Variants in POLE observed in about 807,000 individuals in gnomAD.
POLE encodes DNA polymerase epsilon catalytic subunit A.
POLE carries 188 observed loss-of-function variants against 279.2 expected under a neutral mutation model. The ratio of observed to expected loss-of-function variants is 0.67; its 90% CI spans 0.60 to 0.76. The LOEUF is 0.76. Among genes scored for constraint, POLE ranks in the 30% least tolerant of loss-of-function variants. POLE has a pLI of 0.00. For synonymous variants in POLE, 1,214 were observed against 1,172.5 expected, an observed-to-expected ratio of 1.04 and a Z score of -0.72; for missense variants, 2,703 against 3,016.7, an observed-to-expected ratio of 0.90 and a Z score of 2.44.
intron 29 of POLE, 75 bp downstream of exon 29, chr12:132,657,060 AC>A: frequency 6.7e-7 from 1 of 1,500,986 alleles, no homozygotes; most frequent in Non-Finnish European, 9.2e-7. Flanking sequence ...TACAGCACAC[AC>A]AGCAGCGCAA....
intron 6 of POLE, 117 bp downstream of exon 6, chr12:132,679,380 G>T (rs2043119078): frequency 9.8e-7 from 1 of 1,015,468 alleles, no homozygotes; most frequent in Non-Finnish European, 1.5e-6. Flanking sequence ...AATTGCTCAA[G>T]TTTTCCGTAT....
At chr12:132,665,816 G>C (rs1593786582) in intron 20 of POLE, among the ~76,000 whole-genome samples, 1 of 152,104 alleles carries the variant, frequency 6.6e-6, no homozygotes, top group East Asian at 1.9e-4. Context: ...CCCAACATGA[G>C]AAAAGGTTTT....
chr12:132,664,235 GC>G lies in POLE; in HGVS notation c.2562-88del, dbSNP rs1415951458. The G allele has an allele frequency of 6.9e-7, 1 of 1,451,136 alleles. No homozygotes were observed. Among genetic ancestry groups the G allele is most frequent in the Non-Finnish European group, 9.6e-7 (1 of 1,044,760 alleles). 89.9% of individuals were successfully genotyped at this position (1,451,136 alleles called of 1,614,324 possible). ...CTCCAGCCTTCCCTCCTTCCTTCCT[GC>G]CCAGTGTGTGGCCTCCAGCCTTCCC... On this transcript the variant is annotated intron_variant, in intron 22 of 48. Transcript: ENST00000320574. This position sits in a 1 kb window ranked among gnomAD's most constrained non-coding sequence, Gnocchi z 5.3.
At position 132,635,933 on chromosome 12, in the gene POLE, C is replaced by T. The variant is rs371862779; in HGVS notation, c.5770G>A (p.Gly1924Arg). ...LLWMDPSNYGGIKGKVSSRIH... is the reference protein window; with the variant it reads ...LLWMDPSNYGRIKGKVSSRIH... ...CGAGATGAAACTTTTCCTTTGATTC[C>T]GCCATAGTTAGATGGATCCATCCAG... The change falls in exon 42 of 49, where the codon GGA becomes AGA. Residue 1924 changes from glycine to arginine, a missense_variant. Coordinates refer to ENST00000320574, the MANE Select transcript of POLE (RefSeq NM_006231.4). 6.8e-6 allele frequency: 11 copies of T among 1,613,672 alleles called. No individual in the cohort carries two copies. Among genetic ancestry groups the T allele is most frequent in the South Asian group, 1.1e-5 (1 of 91,032 alleles).
intron 13 of POLE, 41 bp from the exon 14 acceptor site, chr12:132,673,318 A>G (rs2135997451): frequency 7.2e-7 from 1 of 1,394,912 alleles, no homozygotes; most frequent in Admixed American, 1.7e-5. Context: ...TCAAAAATCA[A>G]GAGCCCAGGG....
intron 27 of POLE, 85 bp downstream of exon 27, chr12:132,657,783 A>C (rs781155217): frequency 1.4e-4 from 141 of 997,154 alleles, no homozygotes; most frequent in Middle Eastern, 6.4e-4. Flanking sequence ...CGCCAGACAA[A>C]AAACATAATC....
Position 132,664,661 on chromosome 12 carries a change from AG to A in POLE, c.2469-200del, listed in dbSNP as rs2042751975. ...CCTCTCTGTCCCCACCTTGGTGCCC[AG>A]GAAGGATCTGGAAGGGTGCAGTATG... On this transcript the variant is annotated intron_variant, in intron 21 of 48. Transcript: ENST00000320574. This position sits in a 1 kb window ranked among gnomAD's most constrained non-coding sequence, Gnocchi z 5.3. 6.6e-6 allele frequency among the ~76,000 whole-genome samples: 1 copy of A among 152,200 alleles called. No individual in the cohort carries two copies. The highest frequency in any genetic ancestry group is 2.1e-4 in the South Asian group (1 of 4,830).
rs774049462 is a variant in POLE, at chr12:132,665,934, C to T, written c.2320-484G>A. Among the ~76,000 whole-genome samples, 49 of 152,342 alleles carry T rather than the reference C, an allele frequency of 3.2e-4. 1 individual carries two copies. Among genetic ancestry groups the T allele is most frequent in the Admixed American group, 2.0e-3 (30 of 15,302 alleles). On this transcript the variant is annotated intron_variant, in intron 20 of 48. Transcript: ENST00000320574. The stretch of plus-strand genomic sequence containing the variant: ...ACTCTGAAGCACGAGACAGTCACTA[C>T]ACTTTTGGTGCTTATTTGATGAGGG...
chr12:132,656,629 A>G (rs2138652639), intron 29 of POLE, among the ~76,000 whole-genome samples: 1 of 152,302 alleles, frequency 6.6e-6, no homozygotes, highest in East Asian at 1.9e-4. Flanking sequence ...AAGTGCTGGG[A>G]TTACAGGTGT....
In POLE at chr12:132,626,377, T is replaced by C; in HGVS notation, c.6331-60A>G. 7.8e-6 allele frequency: 12 copies of C among 1,534,096 alleles called. No individual in the cohort carries two copies. The South Asian group carries it at 1.4e-4, about 17-fold the overall frequency. On this transcript the variant is annotated intron_variant, in intron 45 of 48. Transcript: ENST00000320574. ...CCCGGGGCCTCCCTGCTGCTCTGTC[T>C]GGACCAGAACCCTCTGGACCTTAGG...
intron 6 of POLE, 102 bp from the exon 7 acceptor site, chr12:132,677,821 C>T (rs2136022534): frequency 4.6e-6 from 5 of 1,097,582 alleles, no homozygotes; most frequent in South Asian, 1.5e-5. Flanking sequence ...GAGTTCAAAC[C>T]GAGGAAACAC....
intron 29 of POLE, chr12:132,651,435 A>G (rs2042420085): frequency 6.6e-6 from 1 of 152,148 alleles, no homozygotes; most frequent in African/African-American, 2.4e-5. Context: ...GGGATTTCCT[A>G]CTTCCCACAA....
chr12:132,668,448 T>C lies in POLE; in HGVS notation c.2081A>G (p.Lys694Arg), dbSNP rs777341185. ...HRIQHQLESE[K>R]FPPLFPEGPA... ...CCCCTCTGGGAACAAGGGGGGGAAC[T>C]TCTCTGACTCCAGCTGGTGCTGGAT... Residue 694 changes from lysine (K) to arginine (R), a missense_variant, in exon 19 of 49, where the codon AAG becomes AGG. Transcript: ENST00000320574. This position sits in a 1 kb window ranked among gnomAD's most constrained non-coding sequence, Gnocchi z 4.0. The C allele has an allele frequency of 6.2e-7, 1 of 1,612,568 alleles. No individual in the cohort carries two copies. The highest frequency in any genetic ancestry group is 2.2e-5 in the East Asian group (1 of 44,812).
At chr12:132,645,145 C>A (rs1229615422) in intron 32 of POLE, among the ~76,000 whole-genome samples, 1 of 81,990 alleles carries the variant, frequency 1.2e-5, no homozygotes, top group African/African-American at 5.2e-5. Flanking sequence ...GGAGAGGGGG[C>A]ACCCTAGCTT....
rs766086682 is a variant in POLE, at chr12:132,641,689, G to A, written c.5336C>T (p.Pro1779Leu). 2.3e-5 allele frequency: 37 copies of A among 1,613,728 alleles called. No individual in the cohort carries two copies. Among genetic ancestry groups the A allele is most frequent in the East Asian group, 4.5e-5 (2 of 44,900 alleles). The change falls in exon 39 of 49, where the codon CCG becomes CTG. Residue 1779 changes from proline to leucine, a missense_variant. By Grantham distance (98) the Pro-to-Leu change is moderately conservative. Around this residue, in one of 5 missense-constraint regions of POLE, gnomAD observed 1,551 missense variants for 1,686.1 expected, o/e 0.92. Coordinates refer to ENST00000320574, the MANE Select transcript of POLE (RefSeq NM_006231.4). ...MITGGQAASA[P>L]ASYDETALCS... Reference sequence around the variant, plus strand: ...CAGGGCTGTCTCATCGTAGCTGGCCGGGGCACTGGCAGCCTGACCACCCGT... The same window carrying A: ...CAGGGCTGTCTCATCGTAGCTGGCCAGGGCACTGGCAGCCTGACCACCCGT...
At chr12:132,683,464 C>T (rs1329557500) in intron 1 of POLE, among the ~76,000 whole-genome samples, 1 of 152,116 alleles carries the variant, frequency 6.6e-6, no homozygotes, top group East Asian at 1.9e-4. Flanking sequence ...ACTTCTAAAA[C>T]CGTAAGAGAA....
Position 132,677,418 on chromosome 12 carries a change from C to T in POLE, c.746G>A (p.Arg249Gln), listed in dbSNP as rs1331349861. 8 of 1,614,006 alleles carry T rather than the reference C, an allele frequency of 5.0e-6. No homozygotes were observed. Among genetic ancestry groups the T allele is most frequent in the East Asian group, 2.2e-5 (1 of 44,890 alleles). The change falls in exon 8 of 49, where the codon CGA (arginine) becomes CAA (glutamine). Residue 249 changes from arginine (R) to glutamine (Q), a missense_variant. Physicochemically the swap from Arg to Gln is conservative, Grantham distance 43. This residue lies in a region of POLE where 1,011 missense variants were observed against 1,111.7 expected (regional missense o/e 0.91). Transcript: ENST00000320574. ...HVAHWYNVRY[R>Q]GNAFPVEITR... Reference sequence around the variant, plus strand: ...GATTTCTACCGGAAAAGCATTTCCTCGGTATCTGACATTGTACCAATGAGC... The same window carrying T: ...GATTTCTACCGGAAAAGCATTTCCTTGGTATCTGACATTGTACCAATGAGC...
rs1555222702 is a variant in POLE, at chr12:132,642,880, C to T, written c.4668G>A (p.Arg1556=). 6.2e-7 allele frequency: 1 copy of T among 1,613,862 alleles called. No individual in the cohort carries two copies. ...LPPPKHTFEV[R]AETDLKTICR... ...AGATGGTCTTCAGGTCAGTTTCTGC[C>T]CGAACTTCGAAGGTGTGTTTGGGGG... The change falls in exon 36 of 49, where the codon CGG becomes CGA. Residue 1556 remains arginine (R), a synonymous_variant. Coordinates refer to ENST00000320574, the MANE Select transcript of POLE (RefSeq NM_006231.4).
intron 1 of POLE, 90 bp from the exon 2 acceptor site, chr12:132,681,369 A>C (rs1014433892): frequency 1.4e-6 from 2 of 1,395,080 alleles, no homozygotes; most frequent in Admixed American, 4.1e-5. Context: ...TTTGAGACGG[A>C]GTCTTGCTCT....
Sources: gnomAD v4.1 joint callset for allele counts (sites outside exome capture counted in the v4.1 genomes callset) on GRCh38, gnomAD v4.1.1 for gene constraint, gnomAD v4.1.1 regional missense constraint, Gnocchi (gnomAD v3.1) non-coding constraint, MANE v1.5 for transcripts, NCBI Gene and HGNC (gene_info 2026-07-23, HGNC 2026-07-21) for gene names.